Variants in SAMD12 observed in about 807,000 individuals in gnomAD.
The protein encoded by SAMD12 is sterile alpha motif domain containing 12.
A neutral mutation model predicts 15.0 loss-of-function variants in SAMD12; 9 were observed. The observed-to-expected ratio is 0.60, with a 90% CI of 0.36 to 1.05. The LOEUF is 1.05. Among genes scored for constraint, SAMD12 ranks in the 50% least tolerant of loss-of-function variants. The pLI is 0.01. For missense variants in SAMD12, 230 were observed against 234.2 expected, an observed-to-expected ratio of 0.98 and a Z score of 0.12; for synonymous variants, 86 against 90.1, an observed-to-expected ratio of 0.96 and a Z score of 0.25.
At chr8:118,452,388 G>C (rs1173275174) in intron 2 of SAMD12, among the ~76,000 whole-genome samples, 2 of 151,938 alleles carry the variant, frequency 1.3e-5, no homozygotes, top group African/African-American at 4.8e-5. Context: ...ATAAGCTAGA[G>C]GTAAATGAAT....
At chr8:118,602,893 G>C (rs1827894085) in intron 1 of SAMD12, among the ~76,000 whole-genome samples, 1 of 151,788 alleles carries the variant, frequency 6.6e-6, no homozygotes, top group South Asian at 2.1e-4. Context: ...CAAACAATTA[G>C]GAAGAAAGAA....
intron 1 of SAMD12, among the ~76,000 whole-genome samples, chr8:118,614,807 C>T (rs1328754061): frequency 1.3e-5 from 2 of 152,212 alleles, no homozygotes; most frequent in Non-Finnish European, 2.9e-5. Flanking sequence ...GCAAGCTGTA[C>T]AAGCAGATTC....
At chr8:118,458,389 T>C (rs571737064) in intron 2 of SAMD12, among the ~76,000 whole-genome samples, 2 of 152,342 alleles carry the variant, frequency 1.3e-5, no homozygotes, top group Admixed American at 1.3e-4. Context: ...CATTTGACCT[T>C]CTGAACAGGT....
chr8:118,171,061 T>C, the SAMD12 span, among the ~76,000 whole-genome samples: 36 of 152,226 alleles, frequency 2.4e-4, no homozygotes, highest in Non-Finnish European at 3.5e-4. Flanking sequence ...GATCAATAAG[T>C]ACATATAAAA....
chr8:118,597,280 C>T (rs893734366), intron 1 of SAMD12, among the ~76,000 whole-genome samples: 9 of 152,170 alleles, frequency 5.9e-5, no homozygotes, highest in African/African-American at 2.2e-4. Flanking sequence ...TTCAGGGCCC[C>T]ATCAGACCAT....
Position 118,386,657 on chromosome 8 carries a change from A to G in SAMD12, c.323-6957T>C, listed in dbSNP as rs146408428. Among the ~76,000 whole-genome samples the G allele has an allele frequency of 3.3e-5, 5 of 152,352 alleles. No individual in the cohort carries two copies. In the East Asian group the frequency reaches 9.6e-4, roughly 29 times the overall value. ...ACAGAGAAAGTGTCCTGCCTAAAAC[A>G]GCACAGAAGATGAGGTAGAGACTTA... On this transcript the variant is annotated intron_variant, in intron 3 of 3. Coordinates refer to ENST00000314727, the MANE Select transcript of SAMD12 (RefSeq NM_207506.3).
At chr8:118,179,661 A>G in the SAMD12 span, among the ~76,000 whole-genome samples, 1 of 152,114 alleles carries the variant, frequency 6.6e-6, no homozygotes, top group Non-Finnish European at 1.5e-5. Context: ...TCATTACTAG[A>G]GTCAGGCCCA....
chr8:118,392,960 A>G (rs9297585), intron 3 of SAMD12, among the ~76,000 whole-genome samples: 107,375 of 152,040 alleles, frequency 0.71, 39,116 homozygotes, highest in African/African-American at 0.85. Context: ...CAAGTGATTC[A>G]CCAAATGTTA....
chr8:118,250,183 C>A (rs1812787222), intron 4 of SAMD12, among the ~76,000 whole-genome samples: 1 of 152,070 alleles, frequency 6.6e-6, no homozygotes, highest in South Asian at 2.1e-4. Flanking sequence ...CATTGAATTA[C>A]CAGATCCCTG....
At chr8:118,539,690 T>C (rs1436781918) in intron 2 of SAMD12, among the ~76,000 whole-genome samples, 2 of 152,172 alleles carry the variant, frequency 1.3e-5, no homozygotes, top group East Asian at 1.9e-4. Flanking sequence ...TTCTCTCTTT[T>C]TCAGAATTTA....
At chr8:118,396,142 C>CTTGGA (rs1208202719) in intron 3 of SAMD12, among the ~76,000 whole-genome samples, 1 of 152,086 alleles carries the variant, frequency 6.6e-6, no homozygotes. Context: ...GAGACCTGAA[C>CTTGGA]TTGGAGTAAA....
chr8:118,335,230 C>A (rs1554635049), intron 4 of SAMD12, among the ~76,000 whole-genome samples: 1 of 152,166 alleles, frequency 6.6e-6, no homozygotes, highest in Non-Finnish European at 1.5e-5. Context: ...CTGTGCAATG[C>A]TCCCAATGTG....
intron 2 of SAMD12, among the ~76,000 whole-genome samples, chr8:118,574,559 A>G (rs1292141165): frequency 6.6e-6 from 1 of 152,232 alleles, no homozygotes; most frequent in Non-Finnish European, 1.5e-5. Context: ...TCTTGATTAT[A>G]CAATGAACCT....
At chr8:118,434,715 TA>T (rs1822521744) in intron 3 of SAMD12, among the ~76,000 whole-genome samples, 1 of 152,210 alleles carries the variant, frequency 6.6e-6, no homozygotes, top group South Asian at 2.1e-4. Context: ...CACAGAAACA[TA>T]CGCAAATTTC....
At chr8:118,552,963 C>G (rs930568833) in intron 2 of SAMD12, among the ~76,000 whole-genome samples, 10 of 151,956 alleles carry the variant, frequency 6.6e-5, no homozygotes, top group African/African-American at 2.4e-4. Flanking sequence ...ACCTAGGAAT[C>G]CAACTTACAA....
chr8:118,551,618 T>G (rs1253803225), intron 2 of SAMD12, among the ~76,000 whole-genome samples: 52 of 151,460 alleles, frequency 3.4e-4, no homozygotes, highest in African/African-American at 1.2e-3. Flanking sequence ...CTAAAAGAAC[T>G]AGAAAAGCAA....
At chr8:118,304,616 C>T (rs965527300) in intron 4 of SAMD12, among the ~76,000 whole-genome samples, 14 of 151,702 alleles carry the variant, frequency 9.2e-5, no homozygotes, top group Admixed American at 2.0e-4. Context: ...AAAAATTACC[C>T]GGGAGTGGTG....
chr8:118,345,882 G>A (rs990400663), intron 4 of SAMD12, among the ~76,000 whole-genome samples: 1 of 152,160 alleles, frequency 6.6e-6, no homozygotes, highest in Non-Finnish European at 1.5e-5. Flanking sequence ...TTTGGCATCT[G>A]GAAAACACAT....
chr8:118,514,261 T>C (rs1242081043), intron 2 of SAMD12, among the ~76,000 whole-genome samples: 1 of 152,208 alleles, frequency 6.6e-6, no homozygotes, highest in Non-Finnish European at 1.5e-5. Flanking sequence ...TGAACATTTA[T>C]ATAGTGCCAT....
Sources: allele counts gnomAD v4.1 joint callset (sites outside exome capture counted in the v4.1 genomes callset), GRCh38; gene constraint gnomAD v4.1.1; transcripts MANE v1.5; gene names NCBI Gene and HGNC (gene_info 2026-07-23, HGNC 2026-07-21).